Variants in LRP1B observed in about 807,000 individuals in gnomAD.
The protein encoded by LRP1B is low-density lipoprotein receptor-related protein 1B.
A neutral mutation model predicts 556.6 loss-of-function variants in LRP1B; 217 were observed. The ratio of observed to expected loss-of-function variants is 0.39; its 90% CI spans 0.35 to 0.44. LRP1B has a LOEUF of 0.44. LRP1B is among the 20% of genes least tolerant of loss of function. The probability of loss-of-function intolerance (pLI) is 1.00; values close to 1 mark genes in which losing one functional copy is unlikely to be tolerated. For synonymous variants in LRP1B, 2,047 were observed against 1,865.8 expected, an observed-to-expected ratio of 1.10 and a Z score of -2.50; for missense variants, 5,053 against 5,620.8, an observed-to-expected ratio of 0.90 and a Z score of 3.23.
Position 140,290,381 on chromosome 2 carries a change from G to A in LRP1B, c.12967+7427C>T, listed in dbSNP as rs1369774622. On this transcript the variant is annotated intron_variant, in intron 84 of 90. Coordinates refer to ENST00000389484, the MANE Select transcript of LRP1B (RefSeq NM_018557.3). ...TAAAGTAATGTGCTGCATTAATCCA[G>A]ACAAGGGATGATAAGAACCTGAATG... is the stretch of plus-strand genomic sequence containing the variant. Among the ~76,000 whole-genome samples the A allele has an allele frequency of 3.3e-5, 5 of 152,016 alleles. No individual in the cohort carries two copies. In the East Asian group the frequency reaches 9.7e-4, roughly 29 times the overall value.
At chr2:141,682,595 G>T (rs545725775) in intron 2 of LRP1B, among the ~76,000 whole-genome samples, 2 of 152,188 alleles carry the variant, frequency 1.3e-5, no homozygotes, top group East Asian at 3.9e-4. Context: ...TCCCATGTTG[G>T]AAAAAGACTG....
At chr2:142,022,746 C>T (rs998466941) in intron 1 of LRP1B, among the ~76,000 whole-genome samples, 1 of 152,216 alleles carries the variant, frequency 6.6e-6, no homozygotes, top group Non-Finnish European at 1.5e-5. Flanking sequence ...TCTCGGCTCA[C>T]TGCAACCTCC....
chr2:140,492,957 C>T lies in LRP1B; in HGVS notation c.9035-264G>A, dbSNP rs77317309. On this transcript the variant is annotated intron_variant, in intron 56 of 90. Transcript: ENST00000389484. ...ATTCTTGACATTCAGATAATTTATT[C>T]GGAATTAGTAGAAAATATCTGCTGT... 8.7e-3 allele frequency among the ~76,000 whole-genome samples: 1,324 copies of T among 152,164 alleles called. 29 individuals are homozygous for T. The highest frequency in any genetic ancestry group is 0.028 in the African/African-American group (1,165 of 41,522).
intron 2 of LRP1B, among the ~76,000 whole-genome samples, chr2:141,671,128 T>C (rs1690650494): frequency 6.6e-6 from 1 of 152,204 alleles, no homozygotes; most frequent in Non-Finnish European, 1.5e-5. Context: ...AGGGATTAAA[T>C]TACAATTAGT....
Position 140,751,710 on chromosome 2 carries a change from C to T in LRP1B, c.5758+17503G>A, listed in dbSNP as rs1046407427. On this transcript the variant is annotated intron_variant, in intron 35 of 90. Coordinates refer to ENST00000389484, the MANE Select transcript of LRP1B (RefSeq NM_018557.3). ...CATTTTGATGAGACAGCATCTCCCT[C>T]AATAAAATAAAAATTTGATTTTTCA... is the stretch of plus-strand genomic sequence containing the variant. Among the ~76,000 whole-genome samples the T allele has an allele frequency of 5.9e-5, 9 of 152,212 alleles. No individual in the cohort carries two copies. The East Asian group carries it at 1.5e-3, about 26-fold the overall frequency.
At chr2:141,766,597 A>G (rs1449148512) in intron 2 of LRP1B, among the ~76,000 whole-genome samples, 1 of 152,172 alleles carries the variant, frequency 6.6e-6, no homozygotes. Flanking sequence ...GAGCAGAGAC[A>G]CTTCTCTCCA....
chr2:140,737,488 A>T (rs1299231682), intron 35 of LRP1B, among the ~76,000 whole-genome samples: 2 of 152,176 alleles, frequency 1.3e-5, no homozygotes, highest in Non-Finnish European at 2.9e-5. Context: ...GGATTCACAG[A>T]TCCAGTAGGA....
Position 141,006,151 on chromosome 2 carries a change from C to T in LRP1B, c.2381-694G>A, listed in dbSNP as rs115133840. ...ACCCTTGCAGACTCTCAGATAAAATCGAGTAATTATTTTTAAATCGACAAG... is the reference window on the plus strand; with the variant it reads ...ACCCTTGCAGACTCTCAGATAAAATTGAGTAATTATTTTTAAATCGACAAG... On this transcript the variant is annotated intron_variant, in intron 14 of 90. Transcript: ENST00000389484. Among the ~76,000 whole-genome samples the T allele has an allele frequency of 3.0e-3, 455 of 151,928 alleles. 3 individuals are homozygous for T. The highest frequency in any genetic ancestry group is 5.3e-3 in the Admixed American group (81 of 15,220).
At chr2:140,713,829 C>T (rs1687121006) in intron 37 of LRP1B, among the ~76,000 whole-genome samples, 1 of 152,022 alleles carries the variant, frequency 6.6e-6, no homozygotes, top group South Asian at 2.1e-4. Flanking sequence ...TCTCAGAAAC[C>T]TCCTTTCCCT....
intron 3 of LRP1B, among the ~76,000 whole-genome samples, chr2:141,436,505 C>A (rs1337497300): frequency 6.6e-6 from 1 of 152,078 alleles, no homozygotes; most frequent in African/African-American, 2.4e-5. Flanking sequence ...GCTTAATGTC[C>A]TTAGGACAAT....
intron 5 of LRP1B, among the ~76,000 whole-genome samples, chr2:141,230,306 T>C (rs1324284524): frequency 6.6e-6 from 1 of 152,162 alleles, no homozygotes; most frequent in African/African-American, 2.4e-5. Flanking sequence ...GACCATGAGG[T>C]CAAAACTATC....
At chr2:140,478,509 T>G (rs1223197430) in intron 59 of LRP1B, among the ~76,000 whole-genome samples, 1 of 152,182 alleles carries the variant, frequency 6.6e-6, no homozygotes, top group Non-Finnish European at 1.5e-5. Context: ...CTTCCCCTGA[T>G]AAAGTGATAA....
At chr2:140,852,259 G>A (rs1024649229) in intron 27 of LRP1B, among the ~76,000 whole-genome samples, 1 of 152,114 alleles carries the variant, frequency 6.6e-6, no homozygotes, top group Non-Finnish European at 1.5e-5. Flanking sequence ...CCCGGGAGGC[G>A]GAGGTTGCAG....
chr2:141,359,209 C>G (rs1688729303), intron 3 of LRP1B, among the ~76,000 whole-genome samples: 1 of 144,762 alleles, frequency 6.9e-6, no homozygotes, highest in African/African-American at 2.5e-5. Flanking sequence ...ACAAACATAA[C>G]CAAACAAACC....
At chr2:140,803,283 T>C (rs199970349) in intron 32 of LRP1B, among the ~76,000 whole-genome samples, 57,175 of 124,252 alleles carry the variant, frequency 0.46, 14,172 homozygotes, top group East Asian at 0.66. Flanking sequence ...TTTTTTTTTT[T>C]TTTTTTTCCG....
intron 20 of LRP1B, among the ~76,000 whole-genome samples, chr2:140,934,881 AAAAGACT>A (rs1264772485): frequency 3.3e-5 from 5 of 152,164 alleles, no homozygotes; most frequent in Non-Finnish European, 1.5e-5. Context: ...AGCTAGATAT[AAAAGACT>A]AGGATGTTCA....
At chr2:140,854,442 T>C (rs1692554689) in intron 27 of LRP1B, among the ~76,000 whole-genome samples, 1 of 152,088 alleles carries the variant, frequency 6.6e-6, no homozygotes, top group South Asian at 2.1e-4. Flanking sequence ...GATTGAAAAA[T>C]CCACAAAGAA....
intron 18 of LRP1B, among the ~76,000 whole-genome samples, chr2:140,972,211 G>A (rs528900347): frequency 6.6e-6 from 1 of 152,250 alleles, no homozygotes; most frequent in African/African-American, 2.4e-5. Flanking sequence ...CTTAGCAGAA[G>A]CTTGCATACC....
At position 140,903,092 on chromosome 2, in the gene LRP1B, G is replaced by A. The variant is rs1207190113; in HGVS notation, c.3594C>T (p.Ser1198=). 4.3e-6 allele frequency: 7 copies of A among 1,613,438 alleles called. No homozygotes were observed. The highest frequency in any genetic ancestry group is 1.3e-5 in the African/African-American group (1 of 74,882). The change falls in exon 23 of 91, where the codon TCC becomes TCT. Residue 1198 remains serine, a synonymous_variant. Coordinates refer to ENST00000389484, the MANE Select transcript of LRP1B (RefSeq NM_018557.3). The part of the protein sequence containing the change: ...SVVPGRGIVC[S]CPEGLQLNKD... ...TGTTGAGTTGAAGTCCTTCAGGGCA[G>A]GAACAGACAATTCCTCTTCCAGGAA...
Sources: gnomAD v4.1 joint callset for allele counts (sites outside exome capture counted in the v4.1 genomes callset) on GRCh38, gnomAD v4.1.1 for gene constraint, MANE v1.5 for transcripts, NCBI Gene and HGNC (gene_info 2026-07-23, HGNC 2026-07-21) for gene names.